Variants in PDE8B observed in about 807,000 individuals in gnomAD.
PDE8B encodes high affinity cAMP-specific and IBMX-insensitive 3',5'-cyclic phosphodiesterase 8B.
Under a neutral mutation model 101.3 loss-of-function variants are expected in PDE8B, and 26 were observed. That is an observed-to-expected ratio of 0.26 (90% confidence interval 0.19 to 0.36). The LOEUF (loss-of-function observed/expected upper bound fraction) is 0.36, where lower values mean the gene tolerates loss of function less well. PDE8B is among the 10% of genes least tolerant of loss of function. The probability of loss-of-function intolerance (pLI) is 1.00; values close to 1 mark genes in which losing one functional copy is unlikely to be tolerated. For synonymous variants in PDE8B, 424 were observed against 429.3 expected, an observed-to-expected ratio of 0.99 and a Z score of 0.15; for missense variants, 810 against 1,163.1, an observed-to-expected ratio of 0.70 and a Z score of 4.42.
the PDE8B span, among the ~76,000 whole-genome samples, chr5:77,117,423 A>G: frequency 6.6e-6 from 1 of 152,204 alleles, no homozygotes. Flanking sequence ...GAGACTGACA[A>G]TGCCTGGTAC....
chr5:77,398,728 C>G (rs918151578), intron 10 of PDE8B, among the ~76,000 whole-genome samples: 3 of 152,236 alleles, frequency 2.0e-5, no homozygotes, highest in Non-Finnish European at 4.4e-5. Flanking sequence ...ATGGTTGGCA[C>G]TCAGTTCACC....
At chr5:77,216,606 A>C (rs1223587851) in intron 1 of PDE8B, among the ~76,000 whole-genome samples, 2 of 152,188 alleles carry the variant, frequency 1.3e-5, no homozygotes, top group Non-Finnish European at 2.9e-5. Context: ...GACACAGCCA[A>C]ACCATATCAG....
intron 1 of PDE8B, among the ~76,000 whole-genome samples, chr5:77,270,665 A>C (rs549576004): frequency 3.3e-5 from 5 of 152,316 alleles, no homozygotes; most frequent in Middle Eastern, 3.4e-3. Context: ...TGTGCACAGA[A>C]GATAGTGATT....
chr5:77,309,520 A>AG (rs2150103583), intron 1 of PDE8B, among the ~76,000 whole-genome samples: 1 of 151,758 alleles, frequency 6.6e-6, no homozygotes, highest in South Asian at 2.1e-4. Context: ...GTCTTGTTGG[A>AG]GGGGGCTTTT....
intron 1 of PDE8B, among the ~76,000 whole-genome samples, chr5:77,242,107 C>T (rs185159585): frequency 2.4e-4 from 37 of 152,212 alleles, no homozygotes; most frequent in African/African-American, 6.5e-4. Flanking sequence ...TAAAACCTGG[C>T]GAGAATGCAT....
At chr5:77,414,738 T>C (rs1449182868) in intron 17 of PDE8B, among the ~76,000 whole-genome samples, 1 of 152,100 alleles carries the variant, frequency 6.6e-6, no homozygotes, top group Non-Finnish European at 1.5e-5. Flanking sequence ...CCTATGCTCC[T>C]TTCTTTTATA....
At chr5:77,357,890 C>G (rs1314063618) in intron 10 of PDE8B, among the ~76,000 whole-genome samples, 2 of 152,210 alleles carry the variant, frequency 1.3e-5, no homozygotes, top group South Asian at 4.1e-4. Context: ...GTCCTTACAC[C>G]TTCATGGACC....
chr5:77,108,299 A>G, the PDE8B span, among the ~76,000 whole-genome samples: 1 of 152,176 alleles, frequency 6.6e-6, no homozygotes, highest in Non-Finnish European at 1.5e-5. Flanking sequence ...ATTCATTTTA[A>G]ATTCTATTCT....
At chr5:77,298,237 A>G (rs897421274) in intron 1 of PDE8B, among the ~76,000 whole-genome samples, 16 of 152,302 alleles carry the variant, frequency 1.1e-4, no homozygotes, top group African/African-American at 3.6e-4. Flanking sequence ...ACCTCCTGAT[A>G]CTGGGACTTG....
the PDE8B span, among the ~76,000 whole-genome samples, chr5:77,107,843 G>A: frequency 6.6e-6 from 1 of 152,086 alleles, no homozygotes; most frequent in African/African-American, 2.4e-5. Context: ...TTACATATTT[G>A]TATCAATTAT....
chr5:77,405,881 G>T (rs1253266571), intron 12 of PDE8B, among the ~76,000 whole-genome samples: 2 of 152,308 alleles, frequency 1.3e-5, no homozygotes, highest in East Asian at 3.9e-4. Flanking sequence ...GGGATGGTTA[G>T]TGCCTGTGAT....
intron 1 of PDE8B, among the ~76,000 whole-genome samples, chr5:77,256,259 A>G (rs188185851): frequency 1.9e-3 from 292 of 152,294 alleles, no homozygotes; most frequent in African/African-American, 6.9e-3. Context: ...GGGTACGTAT[A>G]TGAGGTCTTC....
chr5:77,247,065 T>G (rs1297485788), intron 1 of PDE8B, among the ~76,000 whole-genome samples: 1 of 152,210 alleles, frequency 6.6e-6, no homozygotes, highest in East Asian at 1.9e-4. Flanking sequence ...AGCACACAAA[T>G]AAGTTAATTA....
At chr5:77,126,827 G>T in the PDE8B span, among the ~76,000 whole-genome samples, 39 of 152,118 alleles carry the variant, frequency 2.6e-4, no homozygotes, top group Non-Finnish European at 5.0e-4. Context: ...ATAATCAAAA[G>T]AAAAAATAAA....
In PDE8B at chr5:77,423,632, G is replaced by GTTTTTTTTTTTTTTTTTTTTTTTTTTT. The variant is rs71594634; in HGVS notation, c.2418+1645_2418+1671dup. ...TGATGCTGGACTTTTGTTTTGTTTA[G>GTTTTTTTTTTTTTTTTTTTTTTTTTTT]TTTTTTTTTTTTTTTTTTTTTTTTT... On this transcript the variant is annotated intron_variant, in intron 20 of 21. Coordinates refer to ENST00000264917, the MANE Select transcript of PDE8B (RefSeq NM_003719.5). 1.6e-4 allele frequency among the ~76,000 whole-genome samples: 12 copies of GTTTTTTTTTTTTTTTTTTTTTTTTTTT among 74,046 alleles called. 1 individual carries two copies. Among genetic ancestry groups the GTTTTTTTTTTTTTTTTTTTTTTTTTTT allele is most frequent in the Non-Finnish European group, 2.1e-4 (8 of 38,408 alleles). The allele number at this position is 74,046 out of a possible 152,430, so 48.6% of individuals were successfully genotyped here.
intron 10 of PDE8B, among the ~76,000 whole-genome samples, chr5:77,400,016 C>T (rs1192452637): frequency 1.3e-5 from 2 of 152,152 alleles, no homozygotes; most frequent in Non-Finnish European, 2.9e-5. Context: ...GAGTATGTGC[C>T]TTGGGTACCT....
chr5:77,290,611 G>T, intron 1 of PDE8B: 1 of 1,509,428 alleles, frequency 6.6e-7, no homozygotes, highest in East Asian at 2.3e-5. Flanking sequence ...TTAGTGGAAG[G>T]TGTGGGTGAA....
chr5:77,362,384 A>C (rs181570088), intron 10 of PDE8B, among the ~76,000 whole-genome samples: 249 of 152,354 alleles, frequency 1.6e-3, no homozygotes, highest in African/African-American at 5.7e-3. Context: ...ATAGTTCACT[A>C]TCGTGTTAGT....
the PDE8B span, among the ~76,000 whole-genome samples, chr5:77,192,670 T>C: frequency 4.3e-4 from 66 of 152,344 alleles, no homozygotes; most frequent in Non-Finnish European, 8.4e-4. Flanking sequence ...TTCCATTATG[T>C]TCTTATTTCT....
Sources: allele counts gnomAD v4.1 joint callset (sites outside exome capture counted in the v4.1 genomes callset), GRCh38; gene constraint gnomAD v4.1.1; transcripts MANE v1.5; gene names NCBI Gene and HGNC (gene_info 2026-07-23, HGNC 2026-07-21).